PHF3: variants seen among roughly 807,000 people sequenced by gnomAD.
The protein encoded by PHF3 is PHD finger protein 3.
Under a neutral mutation model 178.4 loss-of-function variants are expected in PHF3, and 41 were observed. The observed-to-expected ratio is 0.23, with a 90% CI of 0.18 to 0.30. The LOEUF is 0.30. Ranked by LOEUF, PHF3 falls within the 10% of genes least tolerant of loss-of-function variation. The probability of loss-of-function intolerance (pLI) is 1.00; values close to 1 mark genes in which losing one functional copy is unlikely to be tolerated. For synonymous variants in PHF3, 842 were observed against 800.5 expected (o/e 1.05, Z -0.88); for missense variants, 2,346 against 2,398.1 (o/e 0.98, Z 0.45).
chr6:63,695,000 A>G (rs1767174599), intron 6 of PHF3, among the ~76,000 whole-genome samples: 3 of 152,188 alleles, frequency 2.0e-5, no homozygotes, highest in Non-Finnish European at 4.4e-5. Context: ...TGGCACTTAA[A>G]TACTAATGGA....
Position 63,723,377 on chromosome 6 carries a change from C to T in PHF3, c.*9669C>T, listed in dbSNP as rs994258289. On this transcript the variant is annotated 3_prime_UTR_variant, in exon 16 of 16. Transcript: ENST00000262043. The stretch of plus-strand genomic sequence containing the variant: ...ATAATTAAGTTCAAAAAATTTATAG[C>T]AACCTAAATATACTTTGTGGCCTGC... Among the ~76,000 whole-genome samples the T allele has an allele frequency of 3.9e-5, 6 of 152,114 alleles. No homozygotes were observed. The highest frequency in any genetic ancestry group is 1.4e-4 in the African/African-American group (6 of 41,408).
intron 6 of PHF3, among the ~76,000 whole-genome samples, chr6:63,696,393 C>T (rs1165342297): frequency 3.9e-5 from 6 of 152,194 alleles, no homozygotes; most frequent in African/African-American, 1.4e-4. Flanking sequence ...AATAGCAGCT[C>T]ACTACAGCCT....
rs747404637 is a variant in PHF3 at position 63,711,369 on chromosome 6, A to G, written c.3997+7A>G. On this transcript the variant is annotated splice_region_variant and intron_variant, in intron 15 of 15. Coordinates refer to ENST00000262043, the MANE Select transcript of PHF3 (RefSeq NM_001370348.2). ...GTGCCTTTTGATGGACCTGGTAGGT[A>G]TACGTTTTAATAATAGGATAAGAAT... 7.0e-6 allele frequency: 11 copies of G among 1,581,904 alleles called. No individual in the cohort carries two copies. Among genetic ancestry groups the G allele is most frequent in the Admixed American group, 5.4e-5 (3 of 55,542 alleles).
At chr6:63,664,899 GT>G (rs968860478) in intron 2 of PHF3, among the ~76,000 whole-genome samples, 6 of 151,328 alleles carry the variant, frequency 4.0e-5, no homozygotes, top group African/African-American at 9.7e-5. Flanking sequence ...TATAATCTTA[GT>G]TTTTTTTGTT....
chr6:63,702,365 G>T, intron 9 of PHF3, 143 bp from the exon 10 acceptor site: 1 of 495,204 alleles, frequency 2.0e-6, no homozygotes, highest in Non-Finnish European at 3.5e-6. Context: ...CTCAGAATAT[G>T]TTTGTTATAT....
rs141874226 is a variant in PHF3 at position 63,694,640 on chromosome 6, G to A, written c.2556G>A (p.Gln852=). 18 of 1,586,936 alleles carry A rather than the reference G, an allele frequency of 1.1e-5. No homozygotes were observed. In the African/African-American group the frequency reaches 1.6e-4, roughly 14 times the overall value. Residue 852 remains glutamine, a synonymous_variant, in exon 6 of 16, where the codon CAG becomes CAA. Transcript: ENST00000262043. ...DCRDNEIKKW[Q]LAPLRKMGQP... The stretch of plus-strand genomic sequence containing the variant: ...GAGATAATGAAATTAAAAAATGGCA[G>A]CTAGCTCCTCTTCGTAAGATGGGAC...
At chr6:63,668,593 C>T (rs978513535) in intron 2 of PHF3, among the ~76,000 whole-genome samples, 4 of 152,134 alleles carry the variant, frequency 2.6e-5, no homozygotes, top group Admixed American at 1.3e-4. Flanking sequence ...TGTCCCACAT[C>T]GGCTTCCTAA....
At chr6:63,681,210 T>C (rs1321567240) in intron 3 of PHF3, among the ~76,000 whole-genome samples, 1 of 152,040 alleles carries the variant, frequency 6.6e-6, no homozygotes, top group East Asian at 1.9e-4. Context: ...GTGTATGTTA[T>C]CTGATTTCTT....
In PHF3 at chr6:63,684,336, G is replaced by C. The variant is rs1766575598; in HGVS notation, c.614G>C (p.Gly205Ala). The C allele has an allele frequency of 6.2e-7, 1 of 1,613,976 alleles. No individual in the cohort carries two copies. The highest frequency in any genetic ancestry group is 8.5e-7 in the Non-Finnish European group (1 of 1,179,884). Residue 205 changes from glycine to alanine, a missense_variant, in exon 4 of 16, where the codon GGA becomes GCA. Gly to Ala is a moderately conservative substitution (Grantham distance 60). Coordinates refer to ENST00000262043, the MANE Select transcript of PHF3 (RefSeq NM_001370348.2). ...KENRRCSRNS[G>A]QIEVVPEVSV... ...AATAGAAGGTGCAGCCGAAATAGCG[G>C]ACAAATTGAAGTGGTACCTGAAGTA...
At chr6:63,697,390 A>G (rs761588950) in intron 6 of PHF3, among the ~76,000 whole-genome samples, 3 of 152,246 alleles carry the variant, frequency 2.0e-5, no homozygotes, top group African/African-American at 7.2e-5. Flanking sequence ...TGAAATAGAT[A>G]TCTTAAAAAG....
intron 2 of PHF3, among the ~76,000 whole-genome samples, chr6:63,657,729 A>G (rs947613018): frequency 9.2e-5 from 14 of 152,184 alleles, no homozygotes; most frequent in African/African-American, 3.4e-4. Flanking sequence ...CATGTTGTTC[A>G]AGGGTCAACT....
intron 4 of PHF3, among the ~76,000 whole-genome samples, chr6:63,688,509 A>AT (rs1368539310): frequency 1.3e-5 from 2 of 149,542 alleles, no homozygotes; most frequent in African/African-American, 4.9e-5. Flanking sequence ...CTTATTTTGT[A>AT]TTTTTTGTAG....
intron 2 of PHF3, among the ~76,000 whole-genome samples, chr6:63,668,283 G>C (rs1765763322): frequency 6.6e-6 from 1 of 152,118 alleles, no homozygotes; most frequent in Admixed American, 6.5e-5. Context: ...AAGAGTTTTG[G>C]TGAAATGATC....
At chr6:63,699,149 G>A (rs1442988634) in intron 8 of PHF3, among the ~76,000 whole-genome samples, 1 of 152,116 alleles carries the variant, frequency 6.6e-6, no homozygotes, top group East Asian at 1.9e-4. Context: ...GGGATTTCAT[G>A]TTTTGGACAG....
In PHF3 at chr6:63,679,919, C is replaced by T. The variant is rs761262914; in HGVS notation, c.245-81C>T. 4.5e-6 allele frequency: 5 copies of T among 1,105,812 alleles called. No homozygotes were observed. The East Asian group carries it at 1.2e-4, about 27-fold the overall frequency. The allele number at this position is 1,105,812 out of a possible 1,614,324, so 68.5% of individuals were successfully genotyped here. On this transcript the variant is annotated intron_variant, in intron 2 of 15. Coordinates refer to ENST00000262043, the MANE Select transcript of PHF3 (RefSeq NM_001370348.2). ...ATGTAGTGTTACATTAAGACTATCT[C>T]ACAGTATTTTCTGTACTGCCTTTAA... is the stretch of plus-strand genomic sequence containing the variant.
intron 2 of PHF3, among the ~76,000 whole-genome samples, chr6:63,667,226 T>C (rs1225212691): frequency 6.6e-6 from 1 of 152,196 alleles, no homozygotes; most frequent in Non-Finnish European, 1.5e-5. Context: ...TATATCCTTT[T>C]AAAAGACACT....
rs1768282531 is a variant in PHF3 at position 63,719,306 on chromosome 6, G to A, written c.*5598G>A. 6.6e-6 allele frequency among the ~76,000 whole-genome samples: 1 copy of A among 152,122 alleles called. No homozygotes were observed. Among genetic ancestry groups the A allele is most frequent in the Non-Finnish European group, 1.5e-5 (1 of 67,970 alleles). On this transcript the variant is annotated 3_prime_UTR_variant, in exon 16 of 16. Transcript: ENST00000262043. Reference sequence around the variant, plus strand: ...TATAGACTGGAATCTGCACAGAAATGTGTATTCATCAGCCCTTATTTTTTG... The same window carrying A: ...TATAGACTGGAATCTGCACAGAAATATGTATTCATCAGCCCTTATTTTTTG...
chr6:63,646,821 T>G, intron 2 of PHF3, 26 bp downstream of exon 2: 1 of 1,347,742 alleles, frequency 7.4e-7, no homozygotes, highest in Non-Finnish European at 9.6e-7. Flanking sequence ...TTTTTTTTTT[T>G]TTTTTTTAGT....
In PHF3 at chr6:63,713,224, T is replaced by C; in HGVS notation, c.5636T>C (p.Ile1879Thr). The C allele has an allele frequency of 6.2e-7, 1 of 1,614,014 alleles. No individual in the cohort carries two copies. The highest frequency in any genetic ancestry group is 8.5e-7 in the Non-Finnish European group (1 of 1,179,974). ...CCTCTCTCACAAGCATCAAGGTATA[T>C]AGGCCCGCAGAATTTTTACCAGGTT... ...MGPLSQASRY[I>T]GPQNFYQVKD... is the part of the protein sequence containing the mutation. Residue 1879 changes from isoleucine to threonine, a missense_variant, in exon 16 of 16, where the codon ATA becomes ACA. Coordinates refer to ENST00000262043, the MANE Select transcript of PHF3 (RefSeq NM_001370348.2).
Sources: allele counts gnomAD v4.1 joint callset (sites outside exome capture counted in the v4.1 genomes callset), GRCh38; gene constraint gnomAD v4.1.1; transcripts MANE v1.5; gene names NCBI Gene and HGNC (gene_info 2026-07-23, HGNC 2026-07-21).